Variants in RNF24 observed in about 807,000 individuals in gnomAD.
The protein encoded by RNF24 is ring finger protein 24.
RNF24 carries 14 observed loss-of-function variants against 20.0 expected under a neutral mutation model. That is an observed-to-expected ratio of 0.70 (90% confidence interval 0.46 to 1.10). The LOEUF (loss-of-function observed/expected upper bound fraction) is 1.10, where lower values mean the gene tolerates loss of function less well. RNF24 is among the 50% of genes least tolerant of loss of function. The pLI is 0.00. For missense variants in RNF24, 124 were observed against 177.6 expected (o/e 0.70, Z 1.71); for synonymous variants, 45 against 61.1 (o/e 0.74, Z 1.23).
intron 1 of RNF24, among the ~76,000 whole-genome samples, chr20:3,990,203 A>ATC (rs1339154303): frequency 3.3e-5 from 5 of 152,192 alleles, no homozygotes; most frequent in Non-Finnish European, 7.3e-5. Flanking sequence ...TTTAAAAATA[A>ATC]TCTCAAAATG....
At chr20:4,008,398 G>GTATAATATATATATTATATATAATATA (rs1982096676) in intron 1 of RNF24, among the ~76,000 whole-genome samples, 2 of 9,682 alleles carry the variant, frequency 2.1e-4, no homozygotes, top group African/African-American at 7.9e-4. Context: ...TATTATATAT[G>GTATAATATATATATTATATATAATATA]TAATATGTAT....
chr20:3,935,142 A>G, intron 4 of RNF24, 69 bp from the exon 5 acceptor site: 1 of 1,210,136 alleles, frequency 8.3e-7, no homozygotes, highest in South Asian at 1.2e-5. Flanking sequence ...AGTAGAGTGC[A>G]GGCTCCTAAA....
At position 3,933,154 on chromosome 20, in the gene RNF24, C is replaced by T. The variant is rs924198779; in HGVS notation, c.*909G>A. 1.3e-5 allele frequency: 5 copies of T among 374,424 alleles called. No individual in the cohort carries two copies. The highest frequency in any genetic ancestry group is 3.8e-5 in the East Asian group (1 of 26,030). 23.2% of individuals were successfully genotyped at this position (374,424 alleles called of 1,614,324 possible). On this transcript the variant is annotated 3_prime_UTR_variant, in exon 6 of 6. Coordinates refer to ENST00000358395, the MANE Select transcript of RNF24 (RefSeq NM_001134337.3). ...GAAGGAGGGGGAGAGGCCAAAGGGT[C>T]GGCATTCCCTTCATCCAGCCGGGCC...
At chr20:3,980,437 T>G (rs940598586) in intron 1 of RNF24, among the ~76,000 whole-genome samples, 1 of 152,150 alleles carries the variant, frequency 6.6e-6, no homozygotes, top group Non-Finnish European at 1.5e-5. Flanking sequence ...ATGATTCACG[T>G]CCTGGGTGAG....
At chr20:3,947,457 C>T (rs1448335851) in intron 3 of RNF24, among the ~76,000 whole-genome samples, 1 of 152,180 alleles carries the variant, frequency 6.6e-6, no homozygotes, top group African/African-American at 2.4e-5. Context: ...TAGGTATTGA[C>T]AGCTATGATC....
rs559545400 is a variant in RNF24, at chr20:3,974,144, A to T, written c.-7-10120T>A. On this transcript the variant is annotated intron_variant, in intron 1 of 5. Transcript: ENST00000358395. Reference sequence around the variant, plus strand: ...TCACATGATCATATTAACTGATTTAAAAAAAACACATTTCACAAACATCAG... The same window carrying T: ...TCACATGATCATATTAACTGATTTATAAAAAACACATTTCACAAACATCAG... Among the ~76,000 whole-genome samples, 494 of 152,250 alleles carry T rather than the reference A, an allele frequency of 3.2e-3. 1 individual carries two copies. Among genetic ancestry groups the T allele is most frequent in the Non-Finnish European group, 3.6e-3 (246 of 68,018 alleles).
intron 1 of RNF24, among the ~76,000 whole-genome samples, chr20:3,990,244 C>G (rs1410549962): frequency 6.6e-6 from 1 of 151,892 alleles, no homozygotes; most frequent in Non-Finnish European, 1.5e-5. Context: ...AACTCAGAAA[C>G]ACCCCCAAAA....
At chr20:3,996,986 C>T (rs910737517) in intron 1 of RNF24, among the ~76,000 whole-genome samples, 4 of 151,752 alleles carry the variant, frequency 2.6e-5, no homozygotes, top group East Asian at 1.9e-4. Flanking sequence ...TTTGAGAGGC[C>T]GAGGCAGGCG....
intron 2 of RNF24, 49 bp from the exon 3 acceptor site, chr20:3,948,328 A>G: frequency 7.7e-7 from 1 of 1,306,400 alleles, no homozygotes; most frequent in Non-Finnish European, 1.1e-6. Flanking sequence ...CAACATAGTA[A>G]CTTGAAGAAA....
intron 3 of RNF24, among the ~76,000 whole-genome samples, chr20:3,946,489 T>C (rs1326707742): frequency 1.3e-5 from 2 of 150,924 alleles, no homozygotes; most frequent in Admixed American, 6.6e-5. Context: ...CAGATTATGA[T>C]AGGAGTCTGG....
intron 1 of RNF24, among the ~76,000 whole-genome samples, chr20:3,980,969 G>C (rs960754282): frequency 1.3e-5 from 2 of 151,562 alleles, no homozygotes; most frequent in South Asian, 2.1e-4. Context: ...GTGTGTGTTG[G>C]GGGGGGCAGG....
rs1199469155 is a variant in RNF24, at chr20:3,934,234, C to T, written c.309-33G>A. 2.5e-6 allele frequency: 4 copies of T among 1,590,402 alleles called. No homozygotes were observed. The highest frequency in any genetic ancestry group is 2.7e-5 in the African/African-American group (2 of 73,166). Reference sequence around the variant, plus strand: ...AGGAGACACCACAGGGGGAAGATGTCAGTCCTATGCTCATGGCACGGCTGT... The same window carrying T: ...AGGAGACACCACAGGGGGAAGATGTTAGTCCTATGCTCATGGCACGGCTGT... On this transcript the variant is annotated intron_variant, in intron 5 of 5. Coordinates refer to ENST00000358395, the MANE Select transcript of RNF24 (RefSeq NM_001134337.3). The surrounding 1 kb of genome is among the most constrained non-coding windows in gnomAD (Gnocchi z 4.0).
At chr20:4,001,510 T>C (rs541518849) in intron 1 of RNF24, among the ~76,000 whole-genome samples, 21 of 152,268 alleles carry the variant, frequency 1.4e-4, no homozygotes, top group Non-Finnish European at 2.8e-4. Context: ...GTTATTGATA[T>C]GAATAAAGGT....
intron 2 of RNF24, among the ~76,000 whole-genome samples, chr20:3,957,692 CTTAAA>C (rs1290492218): frequency 8.5e-5 from 13 of 152,094 alleles, no homozygotes; most frequent in African/African-American, 3.1e-4. Flanking sequence ...AAAGTTCTCC[CTTAAA>C]TTAACTTCAT....
intron 1 of RNF24, among the ~76,000 whole-genome samples, chr20:4,010,079 AAACAAACAAAC>A (rs1350232228): frequency 4.7e-5 from 7 of 149,190 alleles, no homozygotes; most frequent in Non-Finnish European, 7.4e-5. Flanking sequence ...ACAAACAAAC[AAACAAACAAAC>A]AAGGCCAGAT....
chr20:3,974,483 A>G (rs1349933193), intron 1 of RNF24: 2 of 1,279,492 alleles, frequency 1.6e-6, no homozygotes, highest in African/African-American at 1.5e-5. Flanking sequence ...TATTTGCCAC[A>G]TCAACATCTA....
At chr20:3,989,652 G>T (rs1980256805) in intron 1 of RNF24, among the ~76,000 whole-genome samples, 1 of 152,126 alleles carries the variant, frequency 6.6e-6, no homozygotes, top group African/African-American at 2.4e-5. Flanking sequence ...CTGTTTTGTT[G>T]TGGGTAGAGT....
At chr20:3,961,066 T>G (rs184610507) in intron 2 of RNF24, among the ~76,000 whole-genome samples, 3 of 152,234 alleles carry the variant, frequency 2.0e-5, no homozygotes, top group African/African-American at 7.2e-5. Context: ...GTGCTGAGAT[T>G]ACAGGTATGA....
intron 2 of RNF24, among the ~76,000 whole-genome samples, chr20:3,961,638 A>G (rs2091203094): frequency 6.6e-6 from 1 of 152,090 alleles, no homozygotes; most frequent in South Asian, 2.1e-4. Context: ...ATTATGAGCT[A>G]TATATTTTAG....
Sources: allele counts gnomAD v4.1 joint callset (sites outside exome capture counted in the v4.1 genomes callset), GRCh38; gene constraint gnomAD v4.1.1; non-coding constraint Gnocchi (gnomAD v3.1); transcripts MANE v1.5; gene names NCBI Gene and HGNC (gene_info 2026-07-23, HGNC 2026-07-21).